GGACT: variants seen among roughly 807,000 people sequenced by gnomAD.
GGACT encodes the protein gamma-glutamylamine cyclotransferase.
For missense variants in GGACT, 241 were observed against 233.2 expected, an observed-to-expected ratio of 1.03 and a Z score of -0.22; for synonymous variants, 118 against 115.3, an observed-to-expected ratio of 1.02 and a Z score of -0.15.
At chr13:100,579,061 T>G (rs1875335439) in intron 2 of GGACT, 1 of 152,072 alleles carries the variant, frequency 6.6e-6, no homozygotes, top group South Asian at 2.1e-4. Context: ...AGAACATCAG[T>G]TCTGTAAAAA....
Position 100,531,102 on chromosome 13 carries a change from A to G in GGACT, c.*1028T>C, listed in dbSNP as rs2088366016. ...GAATGAGGTTACTAAAGATCACAGC[A>G]GCTGCATTTTCATTTGGTTCTGAAA... On this transcript the variant is annotated 3_prime_UTR_variant, in exon 3 of 3. Coordinates refer to ENST00000683975, the MANE Select transcript of GGACT (RefSeq NM_001195087.2). 6.6e-6 allele frequency: 1 copy of G among 152,244 alleles called. No individual in the cohort carries two copies. The highest frequency in any genetic ancestry group is 6.5e-5 in the Admixed American group (1 of 15,282). 9.4% of individuals were successfully genotyped at this position (152,244 alleles called of 1,614,324 possible).
At chr13:100,540,193 T>C in intron 2 of GGACT, 1 of 1,523,046 alleles carries the variant, frequency 6.6e-7, no homozygotes, top group Admixed American at 1.7e-5. Flanking sequence ...GCGAATAGGC[T>C]GCACGTGGCC....
chr13:100,570,782 G>C (rs1171717017), intron 2 of GGACT, among the ~76,000 whole-genome samples: 10 of 152,102 alleles, frequency 6.6e-5, no homozygotes, highest in African/African-American at 2.4e-4. Context: ...TTTATTAGCA[G>C]TATGAGAAAA....
chr13:100,583,718 G>A (rs186744361), intron 2 of GGACT, 107 bp downstream of exon 2: 2 of 152,268 alleles, frequency 1.3e-5, no homozygotes, highest in East Asian at 3.9e-4. Context: ...ATTCTTAAAT[G>A]ACAAAGAGAC....
At position 100,541,518 on chromosome 13, in the gene GGACT, G is replaced by A. The variant is rs747064353; in HGVS notation, c.-10-8917C>T. Among the ~76,000 whole-genome samples, 25 of 152,128 alleles carry A rather than the reference G, an allele frequency of 1.6e-4. No homozygotes were observed. The Middle Eastern group carries it at 0.014, about 83-fold the overall frequency. On this transcript the variant is annotated intron_variant, in intron 2 of 2. Coordinates refer to ENST00000683975, the MANE Select transcript of GGACT (RefSeq NM_001195087.2). Reference sequence around the variant, plus strand: ...TTCCTTATCCCTGCTCCCTCCTCAGGTCTCCACTTAACTCCATCCTTTATC... The same window carrying A: ...TTCCTTATCCCTGCTCCCTCCTCAGATCTCCACTTAACTCCATCCTTTATC...
chr13:100,580,988 G>A (rs1045615802), intron 2 of GGACT, among the ~76,000 whole-genome samples: 22 of 152,206 alleles, frequency 1.4e-4, no homozygotes, highest in Admixed American at 7.2e-4. Flanking sequence ...TGGGAGCCAC[G>A]TTTCTCACTG....
At chr13:100,542,563 C>T (rs1023446033) in intron 2 of GGACT, among the ~76,000 whole-genome samples, 1 of 152,160 alleles carries the variant, frequency 6.6e-6, no homozygotes, top group African/African-American at 2.4e-5. Context: ...ATTCTGAGGG[C>T]ACTGAACATC....
intron 2 of GGACT, among the ~76,000 whole-genome samples, chr13:100,543,897 T>C (rs1429918346): frequency 6.6e-6 from 1 of 152,210 alleles, no homozygotes; most frequent in Non-Finnish European, 1.5e-5. Context: ...CGTGTCAAAA[T>C]TGGCCCCAGC....
rs140492017 is a variant in GGACT at position 100,530,318 on chromosome 13, C to CA, written c.*1811dup. ...CACAGAGTCAAGACCAATATTCTGCCAAAAAATCACCAATGGAAATTTTCA... is the reference window on the plus strand; with the variant it reads ...CACAGAGTCAAGACCAATATTCTGCCAAAAAAATCACCAATGGAAATTTTCA... On this transcript the variant is annotated 3_prime_UTR_variant, in exon 3 of 3. Transcript: ENST00000683975. 4,383 of 693,280 alleles carry CA rather than the reference C, an allele frequency of 6.3e-3. 131 individuals carry two copies. In the African/African-American group the frequency reaches 0.066, roughly 10 times the overall value. The allele number at this position is 693,280 out of a possible 1,614,324, so 42.9% of individuals were successfully genotyped here.
At chr13:100,550,340 ACACACACACACAC>A (rs1161738009) in intron 2 of GGACT, among the ~76,000 whole-genome samples, 15 of 46,920 alleles carry the variant, frequency 3.2e-4, no homozygotes, top group Non-Finnish European at 6.0e-4. Flanking sequence ...ACACACACAC[ACACACACACACAC>A]ACCACTGGCC....
Position 100,532,295 on chromosome 13 carries a change from C to T in GGACT, c.297G>A (p.Glu99=), listed in dbSNP as rs2088412046. The T allele has an allele frequency of 3.9e-6, 6 of 1,541,424 alleles. No individual in the cohort carries two copies. Among genetic ancestry groups the T allele is most frequent in the South Asian group, 3.6e-5 (3 of 83,832 alleles). The change falls in exon 3 of 3, where the codon GAG becomes GAA. Residue 99 remains glutamate (E), a synonymous_variant. Coordinates refer to ENST00000683975, the MANE Select transcript of GGACT (RefSeq NM_001195087.2). ...QRTVLRVQLL[E]DRAPGAEEPP... ...GCTCCTCTGCGCCCGGGGCCCGGTC[C>T]TCCAGCAGCTGTACCCGCAGCACCG...
At chr13:100,578,234 C>G (rs1875311035) in intron 2 of GGACT, among the ~76,000 whole-genome samples, 1 of 152,234 alleles carries the variant, frequency 6.6e-6, no homozygotes, top group Admixed American at 6.5e-5. Flanking sequence ...ATGGAGAGAG[C>G]ACCTCCCTGG....
chr13:100,560,091 G>A (rs2088745998), intron 2 of GGACT, among the ~76,000 whole-genome samples: 2 of 152,140 alleles, frequency 1.3e-5, no homozygotes, highest in Admixed American at 1.3e-4. Context: ...GCAAAGGGCT[G>A]TTACTGGGGA....
intron 2 of GGACT, among the ~76,000 whole-genome samples, chr13:100,574,601 C>T (rs1390631769): frequency 4.6e-5 from 7 of 152,012 alleles, no homozygotes; most frequent in African/African-American, 7.2e-5. Flanking sequence ...CCAAATACCA[C>T]GTTCTCACTT....
chr13:100,584,356 C>G (rs146394630), intron 1 of GGACT, among the ~76,000 whole-genome samples: 19 of 152,096 alleles, frequency 1.2e-4, no homozygotes, highest in African/African-American at 4.1e-4. Context: ...CGTTATGTGA[C>G]GTGAAATAAC....
intron 2 of GGACT, among the ~76,000 whole-genome samples, chr13:100,571,608 C>T (rs1475412799): frequency 6.6e-6 from 1 of 152,134 alleles, no homozygotes; most frequent in Non-Finnish European, 1.5e-5. Flanking sequence ...CCACTGCACG[C>T]GGCCCAGAGG....
rs888885492 is a variant in GGACT, at chr13:100,530,754, C to T, written c.*1376G>A. On this transcript the variant is annotated 3_prime_UTR_variant, in exon 3 of 3. Transcript: ENST00000683975. ...GTTGGTGGCTGACTCCCCTGGAGGT[C>T]ACCCTGAAGCTTCCTGGTTGGCCGG... The T allele has an allele frequency of 1.2e-5, 2 of 170,612 alleles. No homozygotes were observed. Among genetic ancestry groups the T allele is most frequent in the African/African-American group, 2.4e-5 (1 of 41,586 alleles). 10.6% of individuals were successfully genotyped at this position (170,612 alleles called of 1,614,324 possible).
At chr13:100,561,097 C>G (rs990166526) in intron 2 of GGACT, among the ~76,000 whole-genome samples, 1 of 152,172 alleles carries the variant, frequency 6.6e-6, no homozygotes, top group Non-Finnish European at 1.5e-5. Context: ...CTACGCCCTC[C>G]TAAGTCTCAT....
chr13:100,568,173 A>G (rs1209418234), intron 2 of GGACT, among the ~76,000 whole-genome samples: 1 of 152,226 alleles, frequency 6.6e-6, no homozygotes, highest in South Asian at 2.1e-4. Flanking sequence ...TGCAATCAGC[A>G]ATTTCTACCA....
Sources: gnomAD v4.1 joint callset for allele counts (sites outside exome capture counted in the v4.1 genomes callset) on GRCh38, gnomAD v4.1.1 for gene constraint, MANE v1.5 for transcripts, NCBI Gene and HGNC (gene_info 2026-07-23, HGNC 2026-07-21) for gene names.